The following MACROD2 variants were observed in gnomAD, a reference collection of about 807,000 sequenced individuals.
MACROD2 encodes the protein mono-ADP ribosylhydrolase 2.
A neutral mutation model predicts 70.4 loss-of-function variants in MACROD2; 36 were observed. The observed-to-expected ratio is 0.51, with a 90% confidence interval of 0.39 to 0.68. MACROD2 has a LOEUF of 0.68. Among genes scored for constraint, MACROD2 ranks in the 30% least tolerant of loss-of-function variants. The pLI, the probability that MACROD2 is intolerant of heterozygous loss-of-function variation, is 0.00. For synonymous variants in MACROD2, 172 were observed against 178.8 expected, an observed-to-expected ratio of 0.96 and a Z score of 0.30; for missense variants, 496 against 538.4, an observed-to-expected ratio of 0.92 and a Z score of 0.78.
intron 5 of MACROD2, among the ~76,000 whole-genome samples, chr20:15,082,276 A>G (rs78781036): frequency 0.019 from 2,935 of 152,312 alleles, 98 homozygotes; most frequent in African/African-American, 0.067. Flanking sequence ...CTCCCCCTCA[A>G]TAAAGGGAAG....
At chr20:14,273,215 G>C (rs2082214217) in intron 3 of MACROD2, among the ~76,000 whole-genome samples, 2 of 152,128 alleles carry the variant, frequency 1.3e-5, no homozygotes, top group African/African-American at 4.8e-5. Flanking sequence ...CACACCACAT[G>C]TATTCCAAAA....
intron 5 of MACROD2, among the ~76,000 whole-genome samples, chr20:14,856,543 C>A (rs937976581): frequency 6.6e-6 from 1 of 152,140 alleles, no homozygotes. Context: ...GTGTGAATAA[C>A]AAGGCAATCC....
intron 5 of MACROD2, among the ~76,000 whole-genome samples, chr20:14,851,419 A>G (rs556380229): frequency 6.6e-6 from 1 of 152,322 alleles, no homozygotes; most frequent in East Asian, 1.9e-4. Flanking sequence ...ACCAAATTCT[A>G]TTTAATCTCC....
intron 6 of MACROD2, among the ~76,000 whole-genome samples, chr20:15,396,829 T>C (rs1362328888): frequency 5.6e-4 from 85 of 152,280 alleles, no homozygotes; most frequent in Non-Finnish European, 2.9e-5. Flanking sequence ...TCATCTTTAA[T>C]CATGGGCCTA....
chr20:15,953,060 C>A (rs2065928501), intron 12 of MACROD2, among the ~76,000 whole-genome samples: 1 of 152,042 alleles, frequency 6.6e-6, no homozygotes, highest in Admixed American at 6.6e-5. Context: ...TCATTCGTGG[C>A]AACATGGATA....
At chr20:15,738,846 G>C (rs933866017) in intron 8 of MACROD2, among the ~76,000 whole-genome samples, 2 of 152,092 alleles carry the variant, frequency 1.3e-5, no homozygotes, top group Non-Finnish European at 2.9e-5. Context: ...TTCTGTCGGG[G>C]AGGAGAGCTA....
chr20:15,591,069 CT>C (rs907217577), intron 8 of MACROD2, among the ~76,000 whole-genome samples: 1 of 152,020 alleles, frequency 6.6e-6, no homozygotes, highest in African/African-American at 2.4e-5. Context: ...AGGAAATTGA[CT>C]AATTTGTTTA....
rs562639762 is a variant in MACROD2, at chr20:15,564,474, T to C, written c.645+64627T>C. On this transcript the variant is annotated intron_variant, in intron 8 of 17. Transcript: ENST00000684519. Reference sequence around the variant, plus strand: ...TGTATTTTCATGCTACTACCCACTTTGGATCTTTTTTATTGTACCTCTGAC... The same window carrying C: ...TGTATTTTCATGCTACTACCCACTTCGGATCTTTTTTATTGTACCTCTGAC... 2.6e-5 allele frequency among the ~76,000 whole-genome samples: 4 copies of C among 152,362 alleles called. No individual in the cohort carries two copies. The South Asian group carries it at 8.3e-4, about 32-fold the overall frequency.
At chr20:14,338,084 A>G (rs992570988) in intron 3 of MACROD2, among the ~76,000 whole-genome samples, 1 of 152,218 alleles carries the variant, frequency 6.6e-6, no homozygotes, top group Non-Finnish European at 1.5e-5. Context: ...TTTATTCAAC[A>G]TATGAATAAA....
At chr20:14,495,872 G>A (rs1420913399) in intron 4 of MACROD2, among the ~76,000 whole-genome samples, 1 of 152,090 alleles carries the variant, frequency 6.6e-6, no homozygotes, top group Non-Finnish European at 1.5e-5. Context: ...TAGCAACTCA[G>A]CATCATCATA....
Position 15,778,097 on chromosome 20 carries a change from G to T in MACROD2, c.646-84648G>T, listed in dbSNP as rs914753850. Among the ~76,000 whole-genome samples, 7 of 152,274 alleles carry T rather than the reference G, an allele frequency of 4.6e-5. No homozygotes were observed. In the South Asian group the frequency reaches 1.4e-3, roughly 32 times the overall value. ...GTGATAATCCCACTAACCCCATGAGGTCAATCTTACGTATGTTAGAGAAAA... is the reference window on the plus strand; with the variant it reads ...GTGATAATCCCACTAACCCCATGAGTTCAATCTTACGTATGTTAGAGAAAA... On this transcript the variant is annotated intron_variant, in intron 8 of 17. Coordinates refer to ENST00000684519, the MANE Select transcript of MACROD2 (RefSeq NM_001351661.2).
At chr20:14,862,221 A>ATAAAAATATATATTTATATATT (rs1190558968) in intron 5 of MACROD2, among the ~76,000 whole-genome samples, 3 of 21,128 alleles carry the variant, frequency 1.4e-4, no homozygotes, top group Non-Finnish European at 2.7e-4. Context: ...ATATATATAT[A>ATAAAAATATATATTTATATATT]AATATATATA....
chr20:14,029,423 A>G (rs2053220428), intron 2 of MACROD2, among the ~76,000 whole-genome samples: 2 of 152,134 alleles, frequency 1.3e-5, no homozygotes, highest in Admixed American at 1.3e-4. Context: ...TAGTCAAAAT[A>G]CTTTTTATTG....
intron 5 of MACROD2, among the ~76,000 whole-genome samples, chr20:14,797,365 A>AGCTT (rs2072522184): frequency 6.6e-6 from 1 of 151,916 alleles, no homozygotes; most frequent in South Asian, 2.1e-4. Flanking sequence ...CAGTCTACCA[A>AGCTT]GCTTGCATGA....
chr20:15,125,243 G>A (rs1399457427), intron 5 of MACROD2, among the ~76,000 whole-genome samples: 1 of 151,792 alleles, frequency 6.6e-6, no homozygotes, highest in Non-Finnish European at 1.5e-5. Context: ...TTTCCTTTGG[G>A]GCAAGTACCA....
At chr20:14,427,660 T>C (rs1257780311) in intron 3 of MACROD2, among the ~76,000 whole-genome samples, 1 of 152,100 alleles carries the variant, frequency 6.6e-6, no homozygotes, top group Non-Finnish European at 1.5e-5. Flanking sequence ...GGTCACAGAC[T>C]TTTGGAAAAC....
intron 5 of MACROD2, among the ~76,000 whole-genome samples, chr20:14,855,596 A>AGT (rs2073245460): frequency 1.2e-5 from 1 of 86,506 alleles, no homozygotes; most frequent in Non-Finnish European, 2.2e-5. Flanking sequence ...GATCCTACCA[A>AGT]GTTTTTTTTT....
At chr20:15,030,449 C>T (rs571497508) in intron 5 of MACROD2, among the ~76,000 whole-genome samples, 19 of 152,240 alleles carry the variant, frequency 1.2e-4, no homozygotes, top group African/African-American at 3.9e-4. Context: ...AATTGCCCTT[C>T]GGTAAAATTT....
intron 5 of MACROD2, among the ~76,000 whole-genome samples, chr20:15,169,462 G>T (rs1481524442): frequency 2.0e-5 from 3 of 152,068 alleles, no homozygotes; most frequent in African/African-American, 7.2e-5. Context: ...CCACGTTCTT[G>T]GCTAAGGGGC....
Sources: gnomAD v4.1 joint callset for allele counts (sites outside exome capture counted in the v4.1 genomes callset) on GRCh38, gnomAD v4.1.1 for gene constraint, MANE v1.5 for transcripts, NCBI Gene and HGNC (gene_info 2026-07-23, HGNC 2026-07-21) for gene names.